OCA2: variants seen among roughly 807,000 people sequenced by gnomAD.
OCA2 encodes the protein OCA2 melanosomal transmembrane protein, also known as P protein.
Under a neutral mutation model 100.2 loss-of-function variants are expected in OCA2, and 77 were observed. That is an observed-to-expected ratio of 0.77 (90% CI 0.64 to 0.93). The LOEUF (loss-of-function observed/expected upper bound fraction) is 0.93, where lower values mean the gene tolerates loss of function less well. Ranked by LOEUF, OCA2 falls within the 40% of genes least tolerant of loss-of-function variation. OCA2 has a pLI of 0.00. For missense variants in OCA2, 1,062 were observed against 1,089.1 expected (o/e 0.98, Z 0.35); for synonymous variants, 432 against 439.2 (o/e 0.98, Z 0.21).
chr15:27,815,727 C>T (rs1359145632), intron 23 of OCA2, among the ~76,000 whole-genome samples: 1 of 152,190 alleles, frequency 6.6e-6, no homozygotes, highest in Non-Finnish European at 1.5e-5. Context: ...CAGGTGAATG[C>T]TGACACGCAC....
intron 9 of OCA2, among the ~76,000 whole-genome samples, chr15:28,003,746 C>T (rs1400373524): frequency 6.8e-6 from 1 of 146,982 alleles, no homozygotes; most frequent in African/African-American, 2.7e-5. Context: ...GTCTGAAGAC[C>T]GCCCTCGACG....
chr15:27,950,376 T>TTAGGCCTGAGGCGTAATTAAAAA, intron 18 of OCA2: 1 of 303,466 alleles, frequency 3.3e-6, no homozygotes, highest in South Asian at 2.8e-5. Context: ...TAAAATTACA[T>TTAGGCCTGAGGCGTAATTAAAAA]TAGGCCTGAG....
intron 18 of OCA2, among the ~76,000 whole-genome samples, chr15:27,933,605 G>A (rs1419038295): frequency 3.3e-5 from 5 of 152,164 alleles, no homozygotes; most frequent in Non-Finnish European, 7.3e-5. Context: ...TTATAGGACT[G>A]GGGTAAGCAG....
At chr15:27,779,694 T>C (rs1157941364) in intron 23 of OCA2, among the ~76,000 whole-genome samples, 1 of 152,250 alleles carries the variant, frequency 6.6e-6, no homozygotes, top group African/African-American at 2.4e-5. Context: ...CATTGCTGGA[T>C]CTTGCTTTTT....
intron 18 of OCA2, among the ~76,000 whole-genome samples, chr15:27,947,343 C>G (rs1432241682): frequency 6.6e-6 from 1 of 152,190 alleles, no homozygotes; most frequent in Non-Finnish European, 1.5e-5. Context: ...TGGGCTTGGT[C>G]TTGCTGTGCT....
At chr15:27,802,665 T>A (rs2033662747) in intron 23 of OCA2, among the ~76,000 whole-genome samples, 1 of 151,974 alleles carries the variant, frequency 6.6e-6, no homozygotes, top group Admixed American at 6.5e-5. Flanking sequence ...AAAGCAAAAA[T>A]AATCATTTTC....
At chr15:27,731,807 C>T in the OCA2 span, among the ~76,000 whole-genome samples, 1 of 152,170 alleles carries the variant, frequency 6.6e-6, no homozygotes, top group Non-Finnish European at 1.5e-5. Context: ...ATTCTGAGGG[C>T]ATATTTAAAG....
chr15:28,006,775 C>T (rs2042103594), intron 9 of OCA2, among the ~76,000 whole-genome samples: 1 of 152,162 alleles, frequency 6.6e-6, no homozygotes, highest in Non-Finnish European at 1.5e-5. Context: ...GGGGGCAGAG[C>T]CAATGGCTAC....
intron 2 of OCA2, among the ~76,000 whole-genome samples, chr15:28,041,022 T>C (rs1349778131): frequency 6.6e-6 from 1 of 152,168 alleles, no homozygotes; most frequent in African/African-American, 2.4e-5. Flanking sequence ...AGCATTACCC[T>C]GATACCAAAG....
intron 15 of OCA2, among the ~76,000 whole-genome samples, chr15:27,962,562 C>T (rs2140772080): frequency 6.6e-6 from 1 of 152,224 alleles, no homozygotes; most frequent in East Asian, 1.9e-4. Flanking sequence ...AGAAATGGAA[C>T]TATACTAGTG....
At chr15:27,811,701 G>C (rs2034085801) in intron 23 of OCA2, among the ~76,000 whole-genome samples, 1 of 152,174 alleles carries the variant, frequency 6.6e-6, no homozygotes, top group Non-Finnish European at 1.5e-5. Flanking sequence ...CGTGTCTGGG[G>C]TTGGCAGTGT....
chr15:28,025,182 T>C (rs1362676691), intron 4 of OCA2, among the ~76,000 whole-genome samples: 4 of 152,204 alleles, frequency 2.6e-5, no homozygotes, highest in South Asian at 4.1e-4. Context: ...TTGAGACTTT[T>C]TGATAGCTGT....
At chr15:27,742,160 G>T in the OCA2 span, among the ~76,000 whole-genome samples, 2 of 152,188 alleles carry the variant, frequency 1.3e-5, no homozygotes, top group East Asian at 3.9e-4. Context: ...CAGGTCCAGG[G>T]CAAGGTGGGA....
chr15:27,913,862 A>G (rs182586558), intron 19 of OCA2, among the ~76,000 whole-genome samples: 2,477 of 51,980 alleles, frequency 0.048, 199 homozygotes, highest in East Asian at 0.18. Context: ...AAAGAAAGAA[A>G]GAAAGAAAGA....
At chr15:27,753,191 G>A (rs562517686), downstream of OCA2, among the ~76,000 whole-genome samples, 1 of 152,156 alleles carries the variant, frequency 6.6e-6, no homozygotes, top group African/African-American at 2.4e-5. Flanking sequence ...TTCCAGCAGG[G>A]GCAAGTTTTG....
intron 14 of OCA2, among the ~76,000 whole-genome samples, chr15:27,969,002 G>C (rs11857036): frequency 0.21 from 30,816 of 147,534 alleles, 4,713 homozygotes; most frequent in East Asian, 0.85. Context: ...AAAAAAAAAA[G>C]GAACTGTTGC....
At chr15:28,098,944 C>G (rs981238438) in intron 1 of OCA2, among the ~76,000 whole-genome samples, 1 of 152,350 alleles carries the variant, frequency 6.6e-6, no homozygotes, top group African/African-American at 2.4e-5. Flanking sequence ...AAACTCCCCC[C>G]ACCCATGACC....
chr15:27,827,825 C>T (rs139716961), intron 23 of OCA2, among the ~76,000 whole-genome samples: 82 of 152,114 alleles, frequency 5.4e-4, no homozygotes, highest in African/African-American at 2.0e-3. Context: ...AATGTAAATT[C>T]GAATTTCTGA....
intron 21 of OCA2, among the ~76,000 whole-genome samples, chr15:27,854,298 G>A (rs1029328658): frequency 7.9e-5 from 12 of 152,294 alleles, no homozygotes; most frequent in African/African-American, 9.6e-5. Flanking sequence ...CAGCCCCAGC[G>A]GAGTCCAGAC....
Sources: gnomAD v4.1 joint callset for allele counts (sites outside exome capture counted in the v4.1 genomes callset) on GRCh38, gnomAD v4.1.1 for gene constraint, MANE v1.5 for transcripts, NCBI Gene and HGNC (gene_info 2026-07-23, HGNC 2026-07-21) for gene names.